Variants in TANC2 observed in about 807,000 individuals in gnomAD.
TANC2 encodes the protein tetratricopeptide repeat, ankyrin repeat and coiled-coil containing 2, also known as protein TANC2.
A neutral mutation model predicts 210.5 loss-of-function variants in TANC2; 26 were observed. The observed-to-expected ratio is 0.12, with a 90% CI of 0.09 to 0.17. The LOEUF is 0.17. TANC2 is among the 10% of genes least tolerant of loss of function. TANC2 has a pLI of 1.00. For synonymous variants in TANC2, 931 were observed against 967.1 expected, an observed-to-expected ratio of 0.96 and a Z score of 0.69; for missense variants, 2,129 against 2,608.9, an observed-to-expected ratio of 0.82 and a Z score of 4.01.
intron 2 of TANC2, among the ~76,000 whole-genome samples, chr17:63,018,248 TG>T (rs1456095261): frequency 1.3e-5 from 2 of 152,004 alleles, no homozygotes; most frequent in Non-Finnish European, 2.9e-5. Context: ...CCCAGCCCTT[TG>T]GGAGGCTGAT....
chr17:63,103,755 C>G (rs1191624121), intron 4 of TANC2, among the ~76,000 whole-genome samples: 1 of 152,114 alleles, frequency 6.6e-6, no homozygotes, highest in Non-Finnish European at 1.5e-5. Context: ...TTTAAAGCTT[C>G]ATATGTTTTT....
intron 5 of TANC2, among the ~76,000 whole-genome samples, chr17:63,159,073 AC>A (rs1257176362): frequency 6.6e-6 from 1 of 152,194 alleles, no homozygotes; most frequent in East Asian, 1.9e-4. Flanking sequence ...TAGAAAGGGT[AC>A]CAGCAAGACA....
chr17:63,142,279 G>A (rs192139225), intron 4 of TANC2, among the ~76,000 whole-genome samples: 1 of 152,192 alleles, frequency 6.6e-6, no homozygotes, highest in East Asian at 1.9e-4. Flanking sequence ...TTATTTACTT[G>A]TTATAAATCT....
At chr17:63,156,871 T>G (rs2039858536) in intron 5 of TANC2, among the ~76,000 whole-genome samples, 1 of 152,152 alleles carries the variant, frequency 6.6e-6, no homozygotes, top group Non-Finnish European at 1.5e-5. Context: ...TTTTTATTTT[T>G]GTAGAGACAG....
At chr17:63,091,323 C>G (rs1383635568) in intron 3 of TANC2, among the ~76,000 whole-genome samples, 1 of 152,082 alleles carries the variant, frequency 6.6e-6, no homozygotes, top group Non-Finnish European at 1.5e-5. Flanking sequence ...AGGTTTTCTT[C>G]TAGGGTTTTT....
chr17:63,339,297 T>G (rs1319266772), intron 11 of TANC2, among the ~76,000 whole-genome samples: 2 of 152,106 alleles, frequency 1.3e-5, no homozygotes, highest in Non-Finnish European at 2.9e-5. Flanking sequence ...AGAAAAGTGG[T>G]CCAGATTAAA....
chr17:63,265,598 G>T (rs1303943965), intron 8 of TANC2, among the ~76,000 whole-genome samples: 1 of 152,176 alleles, frequency 6.6e-6, no homozygotes, highest in Non-Finnish European at 1.5e-5. Flanking sequence ...GAAGGGAGAT[G>T]ATGCTTGTAG....
intron 11 of TANC2, among the ~76,000 whole-genome samples, chr17:63,336,953 A>G (rs530418235): frequency 2.0e-5 from 3 of 152,200 alleles, no homozygotes; most frequent in South Asian, 4.2e-4. Context: ...ATCTCTTACC[A>G]AGCGCGCTGG....
At chr17:63,328,210 G>T (rs1360654759) in intron 11 of TANC2, among the ~76,000 whole-genome samples, 1 of 152,172 alleles carries the variant, frequency 6.6e-6, no homozygotes, top group East Asian at 1.9e-4. Flanking sequence ...TAGGAGGAAG[G>T]TGAGGATACT....
intron 12 of TANC2, among the ~76,000 whole-genome samples, chr17:63,342,075 A>G (rs1367331050): frequency 6.6e-6 from 1 of 152,142 alleles, no homozygotes; most frequent in Non-Finnish European, 1.5e-5. Flanking sequence ...GGACCAGCTT[A>G]AATGCTACCT....
At position 63,099,360 on chromosome 17, in the gene TANC2, A is replaced by G; in HGVS notation, c.322+3A>G. ...CCAGCCTGTGAAGAAGTTAACTGGT[A>G]AGGACTTTACCTAAATTTAGTATGT... On this transcript the variant is annotated splice_donor_region_variant and intron_variant, in intron 4 of 27. Transcript: ENST00000689528. 1 of 1,507,358 alleles carries G rather than the reference A, an allele frequency of 6.6e-7. No individual in the cohort carries two copies. The highest frequency in any genetic ancestry group is 8.9e-7 in the Non-Finnish European group (1 of 1,119,348). 93.4% of individuals were successfully genotyped at this position (1,507,358 alleles called of 1,614,324 possible).
At chr17:63,350,000 T>G (rs887467959) in intron 12 of TANC2, among the ~76,000 whole-genome samples, 1 of 152,222 alleles carries the variant, frequency 6.6e-6, no homozygotes, top group Non-Finnish European at 1.5e-5. Context: ...ATGAAAGTAA[T>G]TGTTAAAATT....
chr17:63,176,077 C>A (rs1364427877), intron 5 of TANC2, among the ~76,000 whole-genome samples: 1 of 152,216 alleles, frequency 6.6e-6, no homozygotes, highest in Non-Finnish European at 1.5e-5. Flanking sequence ...TATGGAGGAA[C>A]AGGAACTCTC....
At chr17:63,060,421 G>A (rs561097256) in intron 2 of TANC2, among the ~76,000 whole-genome samples, 1 of 152,312 alleles carries the variant, frequency 6.6e-6, no homozygotes, top group South Asian at 2.1e-4. Context: ...AGGAGTTCGA[G>A]ACCAACCTGG....
At chr17:63,410,121 G>A (rs1019716094) in intron 21 of TANC2, among the ~76,000 whole-genome samples, 1 of 152,174 alleles carries the variant, frequency 6.6e-6, no homozygotes, top group Non-Finnish European at 1.5e-5. Context: ...GCTACTTAAT[G>A]TGTGCATTAC....
chr17:63,193,928 AG>A, intron 5 of TANC2, 62 bp from the exon 6 acceptor site: 2 of 1,469,832 alleles, frequency 1.4e-6, no homozygotes, highest in South Asian at 2.9e-5. Context: ...ATGTACAAAT[AG>A]TTGCAGAACT....
At chr17:63,199,221 G>T (rs534502745) in intron 6 of TANC2, among the ~76,000 whole-genome samples, 1 of 152,234 alleles carries the variant, frequency 6.6e-6, no homozygotes, top group African/African-American at 2.4e-5. Context: ...GACTCTATTT[G>T]TAAAGAAGTT....
intron 12 of TANC2, among the ~76,000 whole-genome samples, chr17:63,349,573 C>T (rs1056130180): frequency 6.6e-6 from 1 of 152,112 alleles, no homozygotes; most frequent in Non-Finnish European, 1.5e-5. Context: ...TGTAAATATT[C>T]CCACCATACA....
intron 4 of TANC2, among the ~76,000 whole-genome samples, chr17:63,143,597 A>G (rs1225797391): frequency 1.3e-5 from 2 of 152,206 alleles, no homozygotes; most frequent in Non-Finnish European, 2.9e-5. Context: ...TTGTTATAAT[A>G]CATGTTTTGA....
Sources: gnomAD v4.1 joint callset for allele counts (sites outside exome capture counted in the v4.1 genomes callset) on GRCh38, gnomAD v4.1.1 for gene constraint, MANE v1.5 for transcripts, NCBI Gene and HGNC (gene_info 2026-07-23, HGNC 2026-07-21) for gene names.